The following APBB1 variants were observed in gnomAD, a reference collection of about 807,000 sequenced individuals.
APBB1 encodes the protein amyloid beta precursor protein binding family B member 1.
APBB1 carries 22 observed loss-of-function variants against 78.4 expected under a neutral mutation model. The observed-to-expected ratio is 0.28, with a 90% CI of 0.20 to 0.40. APBB1 has a LOEUF of 0.40. APBB1 is among the 10% of genes least tolerant of loss of function. The pLI is 1.00. For missense variants in APBB1, 749 were observed against 932.4 expected (o/e 0.80, Z 2.56); for synonymous variants, 369 against 372.7 (o/e 0.99, Z 0.12).
At chr11:6,399,198 T>C (rs1174843865) in intron 12 of APBB1, among the ~76,000 whole-genome samples, 2 of 152,136 alleles carry the variant, frequency 1.3e-5, no homozygotes, top group Admixed American at 1.3e-4. Flanking sequence ...CTACTCTACA[T>C]CCATGGCTTT....
At chr11:6,399,159 C>A (rs900204705) in intron 12 of APBB1, among the ~76,000 whole-genome samples, 3 of 152,176 alleles carry the variant, frequency 2.0e-5, no homozygotes, top group Non-Finnish European at 4.4e-5. Context: ...TCCCTTCTCA[C>A]TTCAGGATGC....
Position 6,403,200 on chromosome 11 carries a change from G to A in APBB1, c.1049C>T (p.Pro350Leu), listed in dbSNP as rs757422847. 1.2e-5 allele frequency: 20 copies of A among 1,613,076 alleles called. No homozygotes were observed. Among genetic ancestry groups the A allele is most frequent in the African/African-American group, 6.7e-5 (5 of 74,838 alleles). ...AAGCTTCTCCTCCTCTTGGGGCAACGGCTCTGGGCTGAAGGCAGATGGTAA... is the reference window on the plus strand; with the variant it reads ...AAGCTTCTCCTCCTCTTGGGGCAACAGCTCTGGGCTGAAGGCAGATGGTAA... ...TFPAQSLSPE[P>L]LPQEEEKLPP... Residue 350 changes from proline to leucine, a missense_variant, in exon 6 of 15, where the codon CCG (proline) becomes CTG (leucine). Pro to Leu is a moderately conservative substitution (Grantham distance 98). Around this residue, in one of 3 missense-constraint regions of APBB1, gnomAD observed 635 missense variants for 765.0 expected, o/e 0.83. Transcript: ENST00000609360. This position sits in a 1 kb window ranked among gnomAD's most constrained non-coding sequence, Gnocchi z 5.3.
rs762416799 is a variant in APBB1, at chr11:6,401,483, C to T, written c.1504-54G>A. On this transcript the variant is annotated intron_variant, in intron 10 of 14. Transcript: ENST00000609360. This position sits in a 1 kb window ranked among gnomAD's most constrained non-coding sequence, Gnocchi z 4.5. Reference sequence around the variant, plus strand: ...GGGAGAATCTATTAGAGCCTCATTGCCCTGGGGCCCCCCTACAGCACTCAG... The same window carrying T: ...GGGAGAATCTATTAGAGCCTCATTGTCCTGGGGCCCCCCTACAGCACTCAG... 6 of 1,612,170 alleles carry T rather than the reference C, an allele frequency of 3.7e-6. No homozygotes were observed. Among genetic ancestry groups the T allele is most frequent in the Non-Finnish European group, 4.2e-6 (5 of 1,178,656 alleles).
At chr11:6,404,757 C>A in intron 2 of APBB1, 1 of 1,536,380 alleles carries the variant, frequency 6.5e-7, no homozygotes, top group Non-Finnish European at 8.7e-7. Flanking sequence ...GCGCTGCTGT[C>A]CTGCAGGATA....
rs1053671670 is a variant in APBB1, at chr11:6,411,622, C to T, written c.-14-261G>A. Among the ~76,000 whole-genome samples, 6 of 152,110 alleles carry T rather than the reference C, an allele frequency of 3.9e-5. No individual in the cohort carries two copies. Among genetic ancestry groups the T allele is most frequent in the African/African-American group, 7.2e-5 (3 of 41,408 alleles). On this transcript the variant is annotated intron_variant, in intron 1 of 14. Coordinates refer to ENST00000609360, the MANE Select transcript of APBB1 (RefSeq NM_001164.5). This position sits in a 1 kb window ranked among gnomAD's most constrained non-coding sequence, Gnocchi z 5.2. ...GAGCTTTCTGGGATGGCACAGCTGG[C>T]GCCTGCCCTCGGTCCCACCAGCAAG...
At chr11:6,397,698 G>A (rs1449590199) in intron 12 of APBB1, among the ~76,000 whole-genome samples, 1 of 152,188 alleles carries the variant, frequency 6.6e-6, no homozygotes. Flanking sequence ...TTACCATAAC[G>A]TCTTGTAACT....
chr11:6,412,961 C>T (rs546966499), intron 1 of APBB1, among the ~76,000 whole-genome samples: 24 of 152,128 alleles, frequency 1.6e-4, no homozygotes, highest in Non-Finnish European at 2.1e-4. Flanking sequence ...TCAGTTTCTC[C>T]GCAACCATTT....
chr11:6,410,238 C>G (rs2634192), intron 2 of APBB1, among the ~76,000 whole-genome samples: 1,537 of 152,222 alleles, frequency 0.01, 28 homozygotes, highest in African/African-American at 0.035. Flanking sequence ...TCTGTGGTCT[C>G]GAGAAAGCTA....
rs1208036405 is a variant in APBB1 at position 6,403,755 on chromosome 11, C to T, written c.789G>A (p.Gln263=). 2.4e-5 allele frequency: 38 copies of T among 1,601,314 alleles called. No homozygotes were observed. The highest frequency in any genetic ancestry group is 4.0e-5 in the African/African-American group (3 of 74,534). The change falls in exon 3 of 15, where the codon CAG becomes CAA. Residue 263 remains glutamine (Q), a synonymous_variant. Coordinates refer to ENST00000609360, the MANE Select transcript of APBB1 (RefSeq NM_001164.5). This position sits in a 1 kb window ranked among gnomAD's most constrained non-coding sequence, Gnocchi z 5.3. ...GCCAGTAATAGGTCCCTGAGGTGTC[C>T]TGGACCCTCATCCATCCAGCCGGCA... ...SDLPAGWMRV[Q]DTSGTYYWHI...
Position 6,395,537 on chromosome 11 carries a change from T to C in APBB1, c.2130A>G (p.Pro710=), listed in dbSNP as rs773174193. ...LKPKRLGAHT[P] ...TGGAGGGAAGGTGGGGGCTTCTTCA[T>C]GGGGTATGGGCCCCCAGCCGTTTGG... is the stretch of plus-strand genomic sequence containing the variant. The change falls in exon 15 of 15, where the codon CCA becomes CCG. Residue 710 remains proline (P), a synonymous_variant. Transcript: ENST00000609360. This position sits in a 1 kb window ranked among gnomAD's most constrained non-coding sequence, Gnocchi z 5.2. The C allele has an allele frequency of 6.5e-7, 1 of 1,549,866 alleles. No individual in the cohort carries two copies. Among genetic ancestry groups the C allele is most frequent in the Non-Finnish European group, 8.7e-7 (1 of 1,149,678 alleles).
At chr11:6,396,361 G>C (rs1848221777) in intron 12 of APBB1, 146 bp from the exon 13 acceptor site, 1 of 637,988 alleles carries the variant, frequency 1.6e-6, no homozygotes, top group Non-Finnish European at 2.6e-6. Context: ...CGCTGTCCAA[G>C]TATCCCTTCC....
chr11:6,417,637 G>A (rs1590796329), intron 1 of APBB1, among the ~76,000 whole-genome samples: 1 of 152,224 alleles, frequency 6.6e-6, no homozygotes, highest in Non-Finnish European at 1.5e-5. Context: ...TGCTATTAAA[G>A]TAGTCAAGGA....
chr11:6,415,619 A>T (rs2682096), intron 1 of APBB1, among the ~76,000 whole-genome samples: 39,723 of 151,976 alleles, frequency 0.26, 5,384 homozygotes, highest in Admixed American at 0.31. Flanking sequence ...ACTAGGACAT[A>T]ACTCTCCATT....
chr11:6,401,459 G>T lies in APBB1; in HGVS notation c.1504-30C>A. 2 of 1,613,022 alleles carry T rather than the reference G, an allele frequency of 1.2e-6. No individual in the cohort carries two copies. The highest frequency in any genetic ancestry group is 1.7e-6 in the Non-Finnish European group (2 of 1,179,206). ...GGAAGGAAGGGAGGCGAGGAGCCAG[G>T]GAGAATCTATTAGAGCCTCATTGCC... On this transcript the variant is annotated intron_variant, in intron 10 of 14. Coordinates refer to ENST00000609360, the MANE Select transcript of APBB1 (RefSeq NM_001164.5). The surrounding 1 kb of genome is among the most constrained non-coding windows in gnomAD (Gnocchi z 4.5).
chr11:6,402,600 G>A lies in APBB1; in HGVS notation c.1230C>T (p.Asp410=). The A allele has an allele frequency of 1.2e-6, 2 of 1,614,098 alleles. No homozygotes were observed. Among genetic ancestry groups the A allele is most frequent in the Non-Finnish European group, 1.7e-6 (2 of 1,180,012 alleles). Residue 410 remains aspartate, a synonymous_variant, in exon 7 of 15, where the codon GAC becomes GAT. Transcript: ENST00000609360. Reference sequence around the variant, plus strand: ...CTTCCCCCCAGCCCCCAGACATGGGGTCATGCAGGTTGTTTTTGTGGTAAG... The same window carrying A: ...CTTCCCCCCAGCCCCCAGACATGGGATCATGCAGGTTGTTTTTGTGGTAAG... ...QLSYHKNNLH[D]PMSGGWGEGK...
intron 2 of APBB1, among the ~76,000 whole-genome samples, chr11:6,409,027 G>GT (rs555460151): frequency 5.0e-4 from 74 of 148,656 alleles, no homozygotes; most frequent in African/African-American, 8.1e-4. Flanking sequence ...ATTGTGGTGG[G>GT]TTTTTTTTTT....
chr11:6,403,931 G>A lies in APBB1; in HGVS notation c.722-109C>T. 1 of 1,204,496 alleles carries A rather than the reference G, an allele frequency of 8.3e-7. No individual in the cohort carries two copies. Among genetic ancestry groups the A allele is most frequent in the Non-Finnish European group, 1.1e-6 (1 of 871,002 alleles). 74.6% of individuals were successfully genotyped at this position (1,204,496 alleles called of 1,614,324 possible). On this transcript the variant is annotated intron_variant, in intron 2 of 14. Transcript: ENST00000609360. This position sits in a 1 kb window ranked among gnomAD's most constrained non-coding sequence, Gnocchi z 5.3. ...ATGGTTGAGAAGGGGTGGTGGAAGA[G>A]CTATACCACAACACAGTTCCTGCTT...
chr11:6,419,191 C>T (rs1054870403), upstream of APBB1: 1 of 317,102 alleles, frequency 3.2e-6, no homozygotes, highest in Non-Finnish European at 5.7e-6. Flanking sequence ...GGGCGCGGCA[C>T]TTGCCGCAGC....
At chr11:6,415,090 C>T (rs1372141041) in intron 1 of APBB1, among the ~76,000 whole-genome samples, 3 of 152,154 alleles carry the variant, frequency 2.0e-5, no homozygotes, top group Admixed American at 6.5e-5. Flanking sequence ...ACCAACACCC[C>T]ACTGCTCGAG....
Sources: gnomAD v4.1 joint callset for allele counts (sites outside exome capture counted in the v4.1 genomes callset) on GRCh38, gnomAD v4.1.1 for gene constraint, gnomAD v4.1.1 regional missense constraint, Gnocchi (gnomAD v3.1) non-coding constraint, MANE v1.5 for transcripts, NCBI Gene and HGNC (gene_info 2026-07-23, HGNC 2026-07-21) for gene names.